Variants in IFITM1 observed in about 807,000 individuals in gnomAD.
IFITM1 encodes interferon-induced transmembrane protein 1.
In IFITM1, 1 loss-of-function variant was observed where a neutral mutation model predicts 4.0. That is an observed-to-expected ratio of 0.25 (90% confidence interval 0.09 to 1.18). The LOEUF (loss-of-function observed/expected upper bound fraction) is 1.18, where lower values mean the gene tolerates loss of function less well. Ranked by LOEUF, IFITM1 falls within the 50% of genes most tolerant of loss-of-function variation. IFITM1 has a pLI of 0.50. For missense variants in IFITM1, 131 were observed against 163.2 expected (o/e 0.80, Z 1.08); for synonymous variants, 79 against 69.7 (o/e 1.13, Z -0.67).
chr11:314,428 G>A lies in IFITM1; in HGVS notation c.186+72G>A. On this transcript the variant is annotated intron_variant, in intron 1 of 1. Coordinates refer to ENST00000408968, the MANE Select transcript of IFITM1 (RefSeq NM_003641.5). This position sits in a 1 kb window ranked among gnomAD's most constrained non-coding sequence, Gnocchi z 4.5. The stretch of plus-strand genomic sequence containing the variant: ...GGCTCCACCTGCCCACATGCTGCCT[G>A]GGGTGGGGACTTGTGTGTCCCTGTG... 6.4e-7 allele frequency: 1 copy of A among 1,570,492 alleles called. No individual in the cohort carries two copies. Among genetic ancestry groups the A allele is most frequent in the East Asian group, 2.2e-5 (1 of 44,634 alleles).
chr11:314,610 C>T lies in IFITM1; in HGVS notation c.186+254C>T, dbSNP rs1033287537. 1.3e-5 allele frequency among the ~76,000 whole-genome samples: 2 copies of T among 152,224 alleles called. No homozygotes were observed. Among genetic ancestry groups the T allele is most frequent in the African/African-American group, 4.8e-5 (2 of 41,452 alleles). On this transcript the variant is annotated intron_variant, in intron 1 of 1. Transcript: ENST00000408968. The surrounding 1 kb of genome is among the most constrained non-coding windows in gnomAD (Gnocchi z 4.5). ...TGGCTGGCTCAGAGTCTGTCCCTGG[C>T]TATCCATTAGCCCAGAGCAATTCTC...
In IFITM1 at chr11:315,067, T is replaced by C; in HGVS notation, c.332T>C (p.Val111Ala). Residue 111 changes from valine (V) to alanine (A), a missense_variant, in exon 2 of 2, where the codon GTC becomes GCC. Val to Ala is a moderately conservative substitution (Grantham distance 64). Around this residue, in one of 3 missense-constraint regions of IFITM1, gnomAD observed 35 missense variants for 30.1 expected, o/e 1.16. Transcript: ENST00000408968. ...ILLLVFGSVT[V>A]YHIMLQIIQE... The stretch of plus-strand genomic sequence containing the variant: ...TTACTGGTATTCGGCTCTGTGACAG[T>C]CTACCATATTATGTTACAGATAATA... 3 of 1,614,150 alleles carry C rather than the reference T, an allele frequency of 1.9e-6. No individual in the cohort carries two copies. The highest frequency in any genetic ancestry group is 2.5e-6 in the Non-Finnish European group (3 of 1,179,994).
chr11:314,469 G>A lies in IFITM1; in HGVS notation c.186+113G>A. ...TGTCCCTGTGACTGTGAGTTTGTGT[G>A]CACCTCTGCCCCGTGTGTGCTCACG... On this transcript the variant is annotated intron_variant, in intron 1 of 1. Coordinates refer to ENST00000408968, the MANE Select transcript of IFITM1 (RefSeq NM_003641.5). The surrounding 1 kb of genome is among the most constrained non-coding windows in gnomAD (Gnocchi z 4.5). The A allele has an allele frequency of 8.3e-7, 1 of 1,202,112 alleles. No individual in the cohort carries two copies. Among genetic ancestry groups the A allele is most frequent in the Non-Finnish European group, 1.2e-6 (1 of 815,642 alleles). 74.5% of individuals were successfully genotyped at this position (1,202,112 alleles called of 1,614,324 possible).
Position 314,129 on chromosome 11 carries a change from TCTCAAACCTTCA to T in IFITM1, c.-36_-25del. On this transcript the variant is annotated 5_prime_UTR_variant, in exon 1 of 2. Coordinates refer to ENST00000408968, the MANE Select transcript of IFITM1 (RefSeq NM_003641.5). The surrounding 1 kb of genome is among the most constrained non-coding windows in gnomAD (Gnocchi z 4.5). ...TTCGCTCCACGCAGAAAACCACACT[TCTCAAACCTTCA>T]CTCAACACTTCCTTCCCCAAAGCCA... 6.3e-7 allele frequency: 1 copy of T among 1,597,240 alleles called. No individual in the cohort carries two copies. The highest frequency in any genetic ancestry group is 8.6e-7 in the Non-Finnish European group (1 of 1,165,808).
Position 314,534 on chromosome 11 carries a change from T to A in IFITM1, c.186+178T>A, listed in dbSNP as rs1590305277. On this transcript the variant is annotated intron_variant, in intron 1 of 1. Coordinates refer to ENST00000408968, the MANE Select transcript of IFITM1 (RefSeq NM_003641.5). This position sits in a 1 kb window ranked among gnomAD's most constrained non-coding sequence, Gnocchi z 4.5. ...TGTGTGATCTGTGTGTGTGTGTGGCTTTGGGGAATCTGCCCAGTGCAGGTC... is the reference window on the plus strand; with the variant it reads ...TGTGTGATCTGTGTGTGTGTGTGGCATTGGGGAATCTGCCCAGTGCAGGTC... The A allele has an allele frequency of 1.3e-6, 1 of 747,014 alleles. No homozygotes were observed. Among genetic ancestry groups the A allele is most frequent in the Admixed American group, 2.2e-5 (1 of 46,080 alleles). The allele number at this position is 747,014 out of a possible 1,614,324, so 46.3% of individuals were successfully genotyped here.
chr11:314,113 C>T lies in IFITM1; in HGVS notation c.-58C>T, dbSNP rs778303114. The T allele has an allele frequency of 7.2e-6, 11 of 1,535,166 alleles. No homozygotes were observed. Among genetic ancestry groups the T allele is most frequent in the African/African-American group, 2.7e-5 (2 of 73,252 alleles). ...GACACCACAGCGGCCCTTCGCTCCA[C>T]GCAGAAAACCACACTTCTCAAACCT... On this transcript the variant is annotated 5_prime_UTR_variant, in exon 1 of 2. The change creates a new upstream start codon in the 5' untranslated region. Coordinates refer to ENST00000408968, the MANE Select transcript of IFITM1 (RefSeq NM_003641.5). This position sits in a 1 kb window ranked among gnomAD's most constrained non-coding sequence, Gnocchi z 4.5.
chr11:314,472 C>A lies in IFITM1; in HGVS notation c.186+116C>A. On this transcript the variant is annotated intron_variant, in intron 1 of 1. Coordinates refer to ENST00000408968, the MANE Select transcript of IFITM1 (RefSeq NM_003641.5). This position sits in a 1 kb window ranked among gnomAD's most constrained non-coding sequence, Gnocchi z 4.5. Reference sequence around the variant, plus strand: ...CCCTGTGACTGTGAGTTTGTGTGCACCTCTGCCCCGTGTGTGCTCACGTCA... The same window carrying A: ...CCCTGTGACTGTGAGTTTGTGTGCAACTCTGCCCCGTGTGTGCTCACGTCA... 1 of 1,178,374 alleles carries A rather than the reference C, an allele frequency of 8.5e-7. No homozygotes were observed. The highest frequency in any genetic ancestry group is 1.3e-6 in the Non-Finnish European group (1 of 794,284). 73.0% of individuals were successfully genotyped at this position (1,178,374 alleles called of 1,614,324 possible).
In IFITM1 at chr11:314,802, G is replaced by A; in HGVS notation, c.187-120G>A. On this transcript the variant is annotated intron_variant, in intron 1 of 1. Transcript: ENST00000408968. This position sits in a 1 kb window ranked among gnomAD's most constrained non-coding sequence, Gnocchi z 4.5. ...GAGCCCCGAGGCTCCTGGAGAGTCT[G>A]AGCCCGGGTGAGGAAGGGGAGGAGG... The A allele has an allele frequency of 1.4e-6, 2 of 1,447,832 alleles. No homozygotes were observed. The highest frequency in any genetic ancestry group is 1.9e-5 in the Admixed American group (1 of 51,586). The allele number at this position is 1,447,832 out of a possible 1,614,324, so 89.7% of individuals were successfully genotyped here.
chr11:314,070 G>A lies in IFITM1; in HGVS notation c.-101G>A, dbSNP rs1028841265. The A allele has an allele frequency of 7.5e-5, 73 of 977,030 alleles. No individual in the cohort carries two copies. Among genetic ancestry groups the A allele is most frequent in the Non-Finnish European group, 1.0e-4 (65 of 623,210 alleles). 60.5% of individuals were successfully genotyped at this position (977,030 alleles called of 1,614,324 possible). On this transcript the variant is annotated 5_prime_UTR_variant, in exon 1 of 2. Transcript: ENST00000408968. The surrounding 1 kb of genome is among the most constrained non-coding windows in gnomAD (Gnocchi z 4.5). ...GACAGGGGAAAGGAGGTCTCACTGAGCACCGTCCCAGCATCCGGACACCAC... is the reference window on the plus strand; with the variant it reads ...GACAGGGGAAAGGAGGTCTCACTGAACACCGTCCCAGCATCCGGACACCAC...
chr11:314,625 G>C lies in IFITM1; in HGVS notation c.186+269G>C, dbSNP rs960470447. Among the ~76,000 whole-genome samples the C allele has an allele frequency of 3.3e-5, 5 of 152,346 alleles. No homozygotes were observed. The highest frequency in any genetic ancestry group is 7.3e-5 in the Non-Finnish European group (5 of 68,036). On this transcript the variant is annotated intron_variant, in intron 1 of 1. Coordinates refer to ENST00000408968, the MANE Select transcript of IFITM1 (RefSeq NM_003641.5). The surrounding 1 kb of genome is among the most constrained non-coding windows in gnomAD (Gnocchi z 4.5). ...CTGTCCCTGGCTATCCATTAGCCCA[G>C]AGCAATTCTCCCTATAGCCCAGTAA...
In IFITM1 at chr11:314,886, G is replaced by A. The variant is rs944019558; in HGVS notation, c.187-36G>A. The A allele has an allele frequency of 6.8e-6, 11 of 1,607,996 alleles. No individual in the cohort carries two copies. Among genetic ancestry groups the A allele is most frequent in the Non-Finnish European group, 8.5e-6 (10 of 1,177,234 alleles). The stretch of plus-strand genomic sequence containing the variant: ...GCCATAGCACGCGGCTCTCAGCTGG[G>A]GGATCCTGGTCCCCTCACCATCTCC... On this transcript the variant is annotated intron_variant, in intron 1 of 1. Transcript: ENST00000408968. This position sits in a 1 kb window ranked among gnomAD's most constrained non-coding sequence, Gnocchi z 4.5.
chr11:314,092 C>A lies in IFITM1; in HGVS notation c.-79C>A. 7.6e-7 allele frequency: 1 copy of A among 1,314,878 alleles called. No homozygotes were observed. The allele number at this position is 1,314,878 out of a possible 1,614,324, so 81.5% of individuals were successfully genotyped here. On this transcript the variant is annotated 5_prime_UTR_variant, in exon 1 of 2. Transcript: ENST00000408968. The surrounding 1 kb of genome is among the most constrained non-coding windows in gnomAD (Gnocchi z 4.5). Reference sequence around the variant, plus strand: ...TGAGCACCGTCCCAGCATCCGGACACCACAGCGGCCCTTCGCTCCACGCAG... The same window carrying A: ...TGAGCACCGTCCCAGCATCCGGACAACACAGCGGCCCTTCGCTCCACGCAG...
rs1262739661 is a variant in IFITM1 at position 315,084 on chromosome 11, C to G, written c.349C>G (p.Gln117Glu). The change falls in exon 2 of 2, where the codon CAG becomes GAG. Residue 117 changes from glutamine to glutamate, a missense_variant. Transcript: ENST00000408968. ...TGTGACAGTCTACCATATTATGTTA[C>G]AGATAATACAGGAAAAACGGGGTTA... The part of the protein sequence containing the change: ...GSVTVYHIML[Q>E]IIQEKRGY 6.2e-7 allele frequency: 1 copy of G among 1,614,134 alleles called. No individual in the cohort carries two copies. Among genetic ancestry groups the G allele is most frequent in the East Asian group, 2.2e-5 (1 of 44,892 alleles).
In IFITM1 at chr11:315,164, T is replaced by C. The variant is rs1364304054; in HGVS notation, c.*51T>C. On this transcript the variant is annotated 3_prime_UTR_variant, in exon 2 of 2. Coordinates refer to ENST00000408968, the MANE Select transcript of IFITM1 (RefSeq NM_003641.5). Reference sequence around the variant, plus strand: ...GCACTCCACTGTGCAATGCTGGCCCTGCACGCTGGGGCTGTTGCCCCTGCC... The same window carrying C: ...GCACTCCACTGTGCAATGCTGGCCCCGCACGCTGGGGCTGTTGCCCCTGCC... 3 of 1,579,052 alleles carry C rather than the reference T, an allele frequency of 1.9e-6. No homozygotes were observed. In the African/African-American group the frequency reaches 4.0e-5, roughly 21 times the overall value.
chr11:314,145 A>G lies in IFITM1; in HGVS notation c.-26A>G. ...AACCACACTTCTCAAACCTTCACTC[A>G]ACACTTCCTTCCCCAAAGCCAGAAG... is the stretch of plus-strand genomic sequence containing the variant. On this transcript the variant is annotated 5_prime_UTR_variant, in exon 1 of 2. Coordinates refer to ENST00000408968, the MANE Select transcript of IFITM1 (RefSeq NM_003641.5). This position sits in a 1 kb window ranked among gnomAD's most constrained non-coding sequence, Gnocchi z 4.5. The G allele has an allele frequency of 1.1e-5, 17 of 1,611,180 alleles. No homozygotes were observed. Among genetic ancestry groups the G allele is most frequent in the Non-Finnish European group, 1.4e-5 (17 of 1,177,790 alleles).
Position 314,558 on chromosome 11 carries a change from T to A in IFITM1, c.186+202T>A. 2.4e-6 allele frequency: 2 copies of A among 817,130 alleles called. No homozygotes were observed. The highest frequency in any genetic ancestry group is 4.2e-6 in the Non-Finnish European group (2 of 478,768). The allele number at this position is 817,130 out of a possible 1,614,324, so 50.6% of individuals were successfully genotyped here. On this transcript the variant is annotated intron_variant, in intron 1 of 1. Transcript: ENST00000408968. This position sits in a 1 kb window ranked among gnomAD's most constrained non-coding sequence, Gnocchi z 4.5. ...CTTTGGGGAATCTGCCCAGTGCAGG[T>A]CTAGGAGGAGGCTCCAGGAGGCTGG... is the stretch of plus-strand genomic sequence containing the variant.
chr11:314,102 C>A lies in IFITM1; in HGVS notation c.-69C>A. 1.4e-6 allele frequency: 2 copies of A among 1,435,026 alleles called. No homozygotes were observed. The highest frequency in any genetic ancestry group is 1.2e-5 in the South Asian group (1 of 85,824). 88.9% of individuals were successfully genotyped at this position (1,435,026 alleles called of 1,614,324 possible). ...CCCAGCATCCGGACACCACAGCGGC[C>A]CTTCGCTCCACGCAGAAAACCACAC... On this transcript the variant is annotated 5_prime_UTR_variant, in exon 1 of 2. Coordinates refer to ENST00000408968, the MANE Select transcript of IFITM1 (RefSeq NM_003641.5). The surrounding 1 kb of genome is among the most constrained non-coding windows in gnomAD (Gnocchi z 4.5).
rs898341283 is a variant in IFITM1, at chr11:314,517, CTG to C, written c.186+174_186+175del. On this transcript the variant is annotated intron_variant, in intron 1 of 1. Transcript: ENST00000408968. The surrounding 1 kb of genome is among the most constrained non-coding windows in gnomAD (Gnocchi z 4.5). ...ACGTCAGTAGCTTTGTCTGTGTGAT[CTG>C]TGTGTGTGTGTGGCTTTGGGGAATC... 4.4e-3 allele frequency: 3,746 copies of C among 857,600 alleles called. No homozygotes were observed. Among genetic ancestry groups the C allele is most frequent in the Non-Finnish European group, 4.8e-3 (2,518 of 525,008 alleles). 53.1% of individuals were successfully genotyped at this position (857,600 alleles called of 1,614,324 possible). A position where few individuals can be genotyped will look rare whatever the true frequency, so the allele number is the denominator to read the frequency against.
chr11:314,077 C>G lies in IFITM1; in HGVS notation c.-94C>G, dbSNP rs1435179587. The G allele has an allele frequency of 1.0e-5, 11 of 1,074,704 alleles. No individual in the cohort carries two copies. The Admixed American group carries it at 1.9e-4, about 18-fold the overall frequency. 66.6% of individuals were successfully genotyped at this position (1,074,704 alleles called of 1,614,324 possible). On this transcript the variant is annotated 5_prime_UTR_variant, in exon 1 of 2. Transcript: ENST00000408968. The surrounding 1 kb of genome is among the most constrained non-coding windows in gnomAD (Gnocchi z 4.5). ...GAAAGGAGGTCTCACTGAGCACCGT[C>G]CCAGCATCCGGACACCACAGCGGCC...
Sources: gnomAD v4.1 joint callset for allele counts (sites outside exome capture counted in the v4.1 genomes callset) on GRCh38, gnomAD v4.1.1 for gene constraint, gnomAD v4.1.1 regional missense constraint, Gnocchi (gnomAD v3.1) non-coding constraint, MANE v1.5 for transcripts, NCBI Gene and HGNC (gene_info 2026-07-23, HGNC 2026-07-21) for gene names.